JAKMIP1: variants seen among roughly 807,000 people sequenced by gnomAD.
The protein encoded by JAKMIP1 is janus kinase and microtubule interacting protein 1.
Under a neutral mutation model 113.0 loss-of-function variants are expected in JAKMIP1, and 33 were observed. That is an observed-to-expected ratio of 0.29 (90% confidence interval 0.22 to 0.39). The LOEUF (loss-of-function observed/expected upper bound fraction) is 0.39. Among genes scored for constraint, JAKMIP1 ranks in the 10% least tolerant of loss-of-function variants. The probability of loss-of-function intolerance (pLI) is 1.00; values close to 1 mark genes in which losing one functional copy is unlikely to be tolerated. For missense variants in JAKMIP1, 813 were observed against 1,080.5 expected, an observed-to-expected ratio of 0.75 and a Z score of 3.47; for synonymous variants, 480 against 459.9, an observed-to-expected ratio of 1.04 and a Z score of -0.56.
chr4:6,078,983 A>G lies in JAKMIP1; in HGVS notation c.1258T>C (p.Leu420=). ...DDLSLERERL[L]RSKRHRGKSL... The stretch of plus-strand genomic sequence containing the variant: ...TTCCCTCGATGCCTTTTGGAGCGCA[A>G]CAGCCGTTCTCTCTCCTAGAAGGAA... Residue 420 remains leucine, a synonymous_variant, in exon 8 of 21, where the codon TTG becomes CTG. Transcript: ENST00000409021. 1 of 1,613,540 alleles carries G rather than the reference A, an allele frequency of 6.2e-7. No individual in the cohort carries two copies. Among genetic ancestry groups the G allele is most frequent in the East Asian group, 2.2e-5 (1 of 44,868 alleles).
In JAKMIP1 at chr4:6,199,017, G is replaced by T. The variant is rs1185661784; in HGVS notation, c.-148+1236C>A. ...CTGCTCTGGAAGGCAGAGGCCATCAGATGGTAACAGCATCCTGGGACAGCG... is the reference window on the plus strand; with the variant it reads ...CTGCTCTGGAAGGCAGAGGCCATCATATGGTAACAGCATCCTGGGACAGCG... On this transcript the variant is annotated intron_variant, in intron 1 of 20. Transcript: ENST00000409021. This position sits in a 1 kb window ranked among gnomAD's most constrained non-coding sequence, Gnocchi z 5.6. 2.0e-5 allele frequency among the ~76,000 whole-genome samples: 3 copies of T among 152,270 alleles called. No homozygotes were observed. Among genetic ancestry groups the T allele is most frequent in the Admixed American group, 2.0e-4 (3 of 15,294 alleles).
intron 18 of JAKMIP1, among the ~76,000 whole-genome samples, chr4:6,038,723 T>A (rs1713899682): frequency 6.6e-6 from 1 of 152,236 alleles, no homozygotes; most frequent in South Asian, 2.1e-4. Flanking sequence ...GGCTGGAATC[T>A]GTTCCCTGGC....
chr4:6,033,527 C>G (rs942376303), intron 19 of JAKMIP1, among the ~76,000 whole-genome samples: 1 of 152,290 alleles, frequency 6.6e-6, no homozygotes, highest in East Asian at 1.9e-4. Flanking sequence ...GATAAATTCT[C>G]CATTGACCGC....
Position 6,139,859 on chromosome 4 carries a change from G to A in JAKMIP1, c.-147-26862C>T, listed in dbSNP as rs886684642. On this transcript the variant is annotated intron_variant, in intron 1 of 20. Transcript: ENST00000409021. The surrounding 1 kb of genome is among the most constrained non-coding windows in gnomAD (Gnocchi z 5.2). ...AAGGAGAACACCATGTGACGACGAA[G>A]GAGGAGGTCACGGGGCAGATTCCAC... is the stretch of plus-strand genomic sequence containing the variant. Among the ~76,000 whole-genome samples the A allele has an allele frequency of 9.9e-5, 15 of 152,110 alleles. No individual in the cohort carries two copies. The highest frequency in any genetic ancestry group is 3.9e-4 in the Admixed American group (6 of 15,278).
Position 6,140,971 on chromosome 4 carries a change from A to AC in JAKMIP1, c.-147-27975dup, listed in dbSNP as rs1181498495. Among the ~76,000 whole-genome samples, 1 of 152,000 alleles carries AC rather than the reference A, an allele frequency of 6.6e-6. No homozygotes were observed. The highest frequency in any genetic ancestry group is 1.5e-5 in the Non-Finnish European group (1 of 68,020). On this transcript the variant is annotated intron_variant, in intron 1 of 20. Transcript: ENST00000409021. This position sits in a 1 kb window ranked among gnomAD's most constrained non-coding sequence, Gnocchi z 9.4. ...AAAGAGGGAAAATCACTTGCCTAAG[A>AC]CCCCAGAGCTGGGTGACGGCAGAGC...
In JAKMIP1 at chr4:6,079,089, A is replaced by G. The variant is rs1720117969; in HGVS notation, c.1243-91T>C. ...CTCTCAAAGGGAGCTGGGCCTGCCC[A>G]TCCGCACCAGGCATGGCTAGTTGAA... On this transcript the variant is annotated intron_variant, in intron 7 of 20. Transcript: ENST00000409021. The G allele has an allele frequency of 8.0e-6, 11 of 1,368,332 alleles. No individual in the cohort carries two copies. The South Asian group carries it at 1.3e-4, about 16-fold the overall frequency. 84.8% of individuals were successfully genotyped at this position (1,368,332 alleles called of 1,614,324 possible). A position where few individuals can be genotyped will look rare whatever the true frequency, so the allele number is the denominator to read the frequency against.
rs1725306443 is a variant in JAKMIP1 at position 6,176,017 on chromosome 4, A to G, written c.-148+24236T>C. On this transcript the variant is annotated intron_variant, in intron 1 of 20. Transcript: ENST00000409021. This position sits in a 1 kb window ranked among gnomAD's most constrained non-coding sequence, Gnocchi z 5.5. ...CATTATAAACACAATGGTAGTCAGC[A>G]TCATTATTGTTTACTGAAAAACCTA... 6.6e-6 allele frequency among the ~76,000 whole-genome samples: 1 copy of G among 152,234 alleles called. No homozygotes were observed. The highest frequency in any genetic ancestry group is 2.4e-5 in the African/African-American group (1 of 41,460).
rs1727950321 is a variant in JAKMIP1 at position 6,197,180 on chromosome 4, G to A, written c.-148+3073C>T. The stretch of plus-strand genomic sequence containing the variant: ...TCCAGACAAAAGAAGTGAGTACAGG[G>A]GCTAAGCGACTTGCCCAACGTCACA... On this transcript the variant is annotated intron_variant, in intron 1 of 20. Coordinates refer to ENST00000409021, the MANE Select transcript of JAKMIP1 (RefSeq NM_001099433.2). This position sits in a 1 kb window ranked among gnomAD's most constrained non-coding sequence, Gnocchi z 6.5. Among the ~76,000 whole-genome samples, 1 of 152,148 alleles carries A rather than the reference G, an allele frequency of 6.6e-6. No individual in the cohort carries two copies. Among genetic ancestry groups the A allele is most frequent in the Non-Finnish European group, 1.5e-5 (1 of 68,040 alleles).
In JAKMIP1 at chr4:6,192,477, G is replaced by A. The variant is rs894283675; in HGVS notation, c.-148+7776C>T. ...TGACAAACACCCACTGCACGCAGAC[G>A]CCACTGAGCCTGTTTTGGTTTTGGT... On this transcript the variant is annotated intron_variant, in intron 1 of 20. Coordinates refer to ENST00000409021, the MANE Select transcript of JAKMIP1 (RefSeq NM_001099433.2). The surrounding 1 kb of genome is among the most constrained non-coding windows in gnomAD (Gnocchi z 5.0). Among the ~76,000 whole-genome samples the A allele has an allele frequency of 2.0e-5, 3 of 152,160 alleles. No homozygotes were observed. The highest frequency in any genetic ancestry group is 7.2e-5 in the African/African-American group (3 of 41,434).
intron 8 of JAKMIP1, among the ~76,000 whole-genome samples, chr4:6,074,165 G>A (rs148938596): frequency 6.6e-6 from 1 of 152,248 alleles, no homozygotes; most frequent in Non-Finnish European, 1.5e-5. Flanking sequence ...GGCCCAGTAA[G>A]GCAGAGTCAT....
intron 1 of JAKMIP1, among the ~76,000 whole-genome samples, chr4:6,169,217 C>T (rs1724028743): frequency 6.6e-6 from 1 of 152,132 alleles, no homozygotes; most frequent in Admixed American, 6.5e-5. Flanking sequence ...CATGTCCTTC[C>T]CACAATCTCA....
intron 5 of JAKMIP1, among the ~76,000 whole-genome samples, chr4:6,083,410 A>C (rs942031659): frequency 6.6e-6 from 1 of 152,018 alleles, no homozygotes; most frequent in Non-Finnish European, 1.5e-5. Flanking sequence ...CTCAAAAAAA[A>C]AAAAAAAAGA....
rs1022393317 is a variant in JAKMIP1 at position 6,116,771 on chromosome 4, G to A, written c.-147-3774C>T. Among the ~76,000 whole-genome samples the A allele has an allele frequency of 6.6e-6, 1 of 152,172 alleles. No homozygotes were observed. Among genetic ancestry groups the A allele is most frequent in the African/African-American group, 2.4e-5 (1 of 41,428 alleles). On this transcript the variant is annotated intron_variant, in intron 1 of 20. Coordinates refer to ENST00000409021, the MANE Select transcript of JAKMIP1 (RefSeq NM_001099433.2). The surrounding 1 kb of genome is among the most constrained non-coding windows in gnomAD (Gnocchi z 5.1). Reference sequence around the variant, plus strand: ...AGCCATCACAGAACGGTCTAGTCAGGAACACCACTATGGAAATGAATACAT... The same window carrying A: ...AGCCATCACAGAACGGTCTAGTCAGAAACACCACTATGGAAATGAATACAT...
chr4:6,097,835 G>A lies in JAKMIP1; in HGVS notation c.624+7638C>T, dbSNP rs941088895. 3.9e-5 allele frequency among the ~76,000 whole-genome samples: 6 copies of A among 152,206 alleles called. No individual in the cohort carries two copies. The highest frequency in any genetic ancestry group is 1.4e-4 in the African/African-American group (6 of 41,456). On this transcript the variant is annotated intron_variant, in intron 3 of 20. Coordinates refer to ENST00000409021, the MANE Select transcript of JAKMIP1 (RefSeq NM_001099433.2). The surrounding 1 kb of genome is among the most constrained non-coding windows in gnomAD (Gnocchi z 4.3). The stretch of plus-strand genomic sequence containing the variant: ...TGGAGAAACGCAATCTGGTTCCCTT[G>A]ATCAAAAGCACCCAAGACCAGGATG...
intron 3 of JAKMIP1, among the ~76,000 whole-genome samples, chr4:6,098,293 C>T (rs533383046): frequency 2.6e-5 from 4 of 152,140 alleles, no homozygotes; most frequent in South Asian, 4.1e-4. Context: ...ATTAGCCAGG[C>T]GTAGTGGCAG....
chr4:6,199,472 G>T lies in JAKMIP1; in HGVS notation c.-148+781C>A, dbSNP rs992350760. On this transcript the variant is annotated intron_variant, in intron 1 of 20. Coordinates refer to ENST00000409021, the MANE Select transcript of JAKMIP1 (RefSeq NM_001099433.2). The surrounding 1 kb of genome is among the most constrained non-coding windows in gnomAD (Gnocchi z 5.6). ...CGCACTGACGCAGGCCAGCGAGGCC[G>T]CTGGCCCCGACGCAGGGCGCCCGGC... Among the ~76,000 whole-genome samples the T allele has an allele frequency of 3.3e-5, 5 of 152,190 alleles. No individual in the cohort carries two copies. The highest frequency in any genetic ancestry group is 5.9e-5 in the Non-Finnish European group (4 of 68,012).
chr4:6,131,158 C>A (rs1377164782), intron 1 of JAKMIP1, among the ~76,000 whole-genome samples: 1 of 8,136 alleles, frequency 1.2e-4, no homozygotes, highest in Non-Finnish European at 2.4e-4. Flanking sequence ...TAAGACCTTG[C>A]CTCCAAAAAA....
At chr4:6,122,563 A>G (rs1365118845) in intron 1 of JAKMIP1, among the ~76,000 whole-genome samples, 1 of 152,242 alleles carries the variant, frequency 6.6e-6, no homozygotes, top group African/African-American at 2.4e-5. Context: ...GGCCTTATGA[A>G]GAAAAATAAC....
Position 6,139,541 on chromosome 4 carries a change from G to A in JAKMIP1, c.-147-26544C>T, listed in dbSNP as rs1352561919. On this transcript the variant is annotated intron_variant, in intron 1 of 20. Transcript: ENST00000409021. This position sits in a 1 kb window ranked among gnomAD's most constrained non-coding sequence, Gnocchi z 5.2. The stretch of plus-strand genomic sequence containing the variant: ...CCAGCACTTTGGGAGGCTGAGGCAG[G>A]CGGATCACAAAGTCAGGAGTTCGAG... Among the ~76,000 whole-genome samples the A allele has an allele frequency of 1.3e-5, 2 of 152,102 alleles. No homozygotes were observed. Among genetic ancestry groups the A allele is most frequent in the South Asian group, 2.1e-4 (1 of 4,824 alleles).
Sources: gnomAD v4.1 joint callset for allele counts (sites outside exome capture counted in the v4.1 genomes callset) on GRCh38, gnomAD v4.1.1 for gene constraint, Gnocchi (gnomAD v3.1) non-coding constraint, MANE v1.5 for transcripts, NCBI Gene and HGNC (gene_info 2026-07-23, HGNC 2026-07-21) for gene names.